TRMT11: variants seen among roughly 807,000 people sequenced by gnomAD.
TRMT11 encodes tRNA methyltransferase 11, also known as tRNA (guanine(10)-N(2))-methyltransferase TRMT11.
TRMT11 carries 53 observed loss-of-function variants against 62.8 expected under a neutral mutation model. The observed-to-expected ratio is 0.84, with a 90% CI of 0.68 to 1.06. The LOEUF (loss-of-function observed/expected upper bound fraction) is 1.06. TRMT11 is among the 50% of genes least tolerant of loss of function. The pLI is 0.00. For missense variants in TRMT11, 556 were observed against 553.4 expected (o/e 1.00, Z -0.05); for synonymous variants, 188 against 190.3 (o/e 0.99, Z 0.10).
intron 17 of TRMT11, among the ~76,000 whole-genome samples, chr6:126,107,627 C>T (rs1194887938): frequency 6.6e-6 from 1 of 152,070 alleles, no homozygotes; most frequent in African/African-American, 2.4e-5. Context: ...CCTTTGGGAC[C>T]ATTTAAAAAG....
the TRMT11 span, among the ~76,000 whole-genome samples, chr6:126,239,436 A>G: frequency 3.3e-5 from 5 of 151,918 alleles, no homozygotes; most frequent in African/African-American, 4.8e-5. Flanking sequence ...TTGCTTGTCT[A>G]TAAAGTATTT....
chr6:126,222,771 A>T, the TRMT11 span, among the ~76,000 whole-genome samples: 1 of 152,140 alleles, frequency 6.6e-6, no homozygotes, highest in Non-Finnish European at 1.5e-5. Flanking sequence ...TTACTTCTTT[A>T]TCCATCTTGC....
chr6:126,110,526 A>C (rs900167426), intron 17 of TRMT11, among the ~76,000 whole-genome samples: 1 of 152,154 alleles, frequency 6.6e-6, no homozygotes, highest in Non-Finnish European at 1.5e-5. Flanking sequence ...CTGTATTTTA[A>C]TCCCTTTCTT....
At chr6:126,192,503 C>T (rs368698434) in intron 1 of TRMT11, among the ~76,000 whole-genome samples, 32 of 152,200 alleles carry the variant, frequency 2.1e-4, no homozygotes, top group African/African-American at 6.5e-4. Context: ...TGAAAGTGGG[C>T]ATCCTTGTCT....
the TRMT11 span, among the ~76,000 whole-genome samples, chr6:126,228,858 A>G: frequency 6.6e-6 from 1 of 152,196 alleles, no homozygotes. Flanking sequence ...GTTACTGTCA[A>G]CTTCTTTCTC....
the TRMT11 span, among the ~76,000 whole-genome samples, chr6:126,240,758 C>G: frequency 2.6e-5 from 4 of 152,368 alleles, no homozygotes; most frequent in Admixed American, 2.0e-4. Flanking sequence ...ACATTTAAGT[C>G]TGCAGAGGTT....
In TRMT11 at chr6:125,998,617, T is replaced by C. The variant is rs780013154; in HGVS notation, c.455T>C (p.Leu152Ser). Residue 152 changes from leucine to serine, a missense_variant, in exon 6 of 13, where the codon TTG becomes TCG. Physicochemically the swap from Leu to Ser is moderately radical, Grantham distance 145 (BLOSUM62 -2). Coordinates refer to ENST00000334379, the MANE Select transcript of TRMT11 (RefSeq NM_001031712.3). ...LKKPQHVFSV[L>S]EDYGLDPNCI... ...AAACCGCAACATGTATTTTCTGTTT[T>C]GGAGGATTATGGTTTAGACCCAAAC... 3.1e-6 allele frequency: 5 copies of C among 1,613,572 alleles called. No homozygotes were observed. Among genetic ancestry groups the C allele is most frequent in the Non-Finnish European group, 4.2e-6 (5 of 1,179,690 alleles).
At position 125,993,746 on chromosome 6, in the gene TRMT11, T is replaced by A; in HGVS notation, c.73-11T>A. ...TTAAAATGTATTTTCTCTGTAATAT[T>A]TTCAATACAGGAAATAAAGTCTTTG... On this transcript the variant is annotated splice_polypyrimidine_tract_variant and intron_variant, in intron 1 of 12. Coordinates refer to ENST00000334379, the MANE Select transcript of TRMT11 (RefSeq NM_001031712.3). 6.3e-7 allele frequency: 1 copy of A among 1,581,978 alleles called. No individual in the cohort carries two copies. The highest frequency in any genetic ancestry group is 2.2e-5 in the East Asian group (1 of 44,540).
At chr6:125,989,379 T>C (rs1790237444) in intron 1 of TRMT11, among the ~76,000 whole-genome samples, 1 of 152,046 alleles carries the variant, frequency 6.6e-6, no homozygotes. Context: ...GACTGCCTCA[T>C]GCTGGGATTA....
chr6:126,005,277 A>G (rs1324176689), intron 7 of TRMT11, among the ~76,000 whole-genome samples: 2 of 152,068 alleles, frequency 1.3e-5, no homozygotes, highest in African/African-American at 2.4e-5. Context: ...GTGAATATGT[A>G]TTTACTTCAA....
At chr6:126,238,056 T>TA in the TRMT11 span, among the ~76,000 whole-genome samples, 1 of 152,220 alleles carries the variant, frequency 6.6e-6, no homozygotes, top group African/African-American at 2.4e-5. Flanking sequence ...TCGGTGGTGA[T>TA]ATCCCCTTTA....
intron 17 of TRMT11, among the ~76,000 whole-genome samples, chr6:126,068,824 G>GT (rs1264726371): frequency 6.6e-6 from 1 of 151,866 alleles, no homozygotes; most frequent in Non-Finnish European, 1.5e-5. Flanking sequence ...TTTTCTTTCT[G>GT]TTTTTTACTA....
At chr6:126,008,540 T>C (rs544711706) in intron 8 of TRMT11, 68 bp downstream of exon 8, 211 of 1,339,850 alleles carry the variant, frequency 1.6e-4, no homozygotes, top group Admixed American at 3.4e-4. Context: ...AAACATACAG[T>C]TGACCCTGGA....
intron 12 of TRMT11, among the ~76,000 whole-genome samples, chr6:126,022,567 T>G (rs770512858): frequency 3.3e-5 from 5 of 152,190 alleles, no homozygotes; most frequent in African/African-American, 7.2e-5. Context: ...TCCTAAATGA[T>G]CTCCTTCATA....
intron 7 of TRMT11, among the ~76,000 whole-genome samples, chr6:126,006,234 A>G (rs1374888144): frequency 1.3e-5 from 2 of 151,980 alleles, no homozygotes; most frequent in African/African-American, 4.8e-5. Context: ...TAATTTATTT[A>G]AGTAGAATTC....
intron 1 of TRMT11, among the ~76,000 whole-genome samples, chr6:126,194,651 A>C (rs1778643996): frequency 1.3e-5 from 2 of 152,226 alleles, no homozygotes; most frequent in African/African-American, 2.4e-5. Flanking sequence ...TTAACTAGGC[A>C]ACTTTTCACT....
At chr6:126,115,143 G>A (rs1777573133) in intron 19 of TRMT11, among the ~76,000 whole-genome samples, 1 of 152,026 alleles carries the variant, frequency 6.6e-6, no homozygotes, top group Non-Finnish European at 1.5e-5. Context: ...CACCCTTCAG[G>A]AGGGTATTAG....
intron 1 of TRMT11, among the ~76,000 whole-genome samples, chr6:125,989,124 CTTTTTTT>C (rs971479523): frequency 7.9e-4 from 75 of 94,422 alleles, no homozygotes; most frequent in Middle Eastern, 8.3e-3. Context: ...AGTTTGGATT[CTTTTTTT>C]TTTTTTTTTT....
In TRMT11 at chr6:126,023,907, C is replaced by G. The variant is rs542381866; in HGVS notation, c.1260+2627C>G. Among the ~76,000 whole-genome samples the G allele has an allele frequency of 3.9e-5, 6 of 152,146 alleles. No homozygotes were observed. The South Asian group carries it at 1.2e-3, about 32-fold the overall frequency. On this transcript the variant is annotated intron_variant, in intron 12 of 12. Coordinates refer to ENST00000334379, the MANE Select transcript of TRMT11 (RefSeq NM_001031712.3). Reference sequence around the variant, plus strand: ...CCAGTGAAATATTTGTGTACGAATACAGTTGTAATTTCAATAAAAACTAAG... The same window carrying G: ...CCAGTGAAATATTTGTGTACGAATAGAGTTGTAATTTCAATAAAAACTAAG...
Sources: gnomAD v4.1 joint callset for allele counts (sites outside exome capture counted in the v4.1 genomes callset) on GRCh38, gnomAD v4.1.1 for gene constraint, MANE v1.5 for transcripts, NCBI Gene and HGNC (gene_info 2026-07-23, HGNC 2026-07-21) for gene names.